DCAF6: variants seen among roughly 807,000 people sequenced by gnomAD.
DCAF6 encodes the protein DDB1 and CUL4 associated factor 6.
A neutral mutation model predicts 125.1 loss-of-function variants in DCAF6; 54 were observed. The ratio of observed to expected loss-of-function variants is 0.43; its 90% confidence interval spans 0.35 to 0.54. The LOEUF is 0.54. Ranked by LOEUF, DCAF6 falls within the 20% of genes least tolerant of loss-of-function variation. The pLI is 0.01. For synonymous variants in DCAF6, 371 were observed against 390.4 expected (o/e 0.95, Z 0.58); for missense variants, 934 against 1,161.7 (o/e 0.80, Z 2.85).
intron 19 of DCAF6, 132 bp downstream of exon 19, chr1:168,065,878 A>G (rs927700005): frequency 5.8e-5 from 44 of 758,740 alleles, no homozygotes; most frequent in Admixed American, 2.6e-4. Context: ...AGTAGAGTCA[A>G]TTACAGCTGA....
chr1:167,927,619 G>A, the DCAF6 span, among the ~76,000 whole-genome samples: 1 of 152,152 alleles, frequency 6.6e-6, no homozygotes, highest in African/African-American at 2.4e-5. Context: ...TCTGAGTAAA[G>A]CCTCTAGATT....
chr1:167,935,960 T>G (rs1011915106), upstream of DCAF6: 1 of 739,574 alleles, frequency 1.4e-6, no homozygotes. Flanking sequence ...GCCTCTCGCC[T>G]GGAGTACCCT....
chr1:168,038,031 T>A (rs1045925719), intron 12 of DCAF6, among the ~76,000 whole-genome samples: 1 of 152,194 alleles, frequency 6.6e-6, no homozygotes, highest in Non-Finnish European at 1.5e-5. Flanking sequence ...TGAGGAATTA[T>A]GAGCATTCCA....
chr1:167,958,991 T>C (rs1305437586), intron 2 of DCAF6, among the ~76,000 whole-genome samples: 1 of 152,210 alleles, frequency 6.6e-6, no homozygotes, highest in African/African-American at 2.4e-5. Context: ...TATAGTATCA[T>C]GTGGAGTTGT....
At chr1:167,935,863 A>G (rs771977419), upstream of DCAF6, 8 of 1,533,754 alleles carry the variant, frequency 5.2e-6, no homozygotes, top group Admixed American at 1.2e-4. Flanking sequence ...GATCGTTGGC[A>G]GCCGGGTGGG....
intron 12 of DCAF6, chr1:168,023,342 A>T: frequency 2.1e-6 from 1 of 466,040 alleles, no homozygotes; most frequent in Non-Finnish European, 3.9e-6. Flanking sequence ...AATTCTAGGT[A>T]TCTGTCATAA....
chr1:167,939,797 A>G (rs1168863773), intron 1 of DCAF6, among the ~76,000 whole-genome samples: 2 of 151,854 alleles, frequency 1.3e-5, no homozygotes, highest in East Asian at 3.8e-4. Flanking sequence ...AGTATGGTAC[A>G]CTTATAAAGC....
At chr1:167,905,599 T>TAAAAA in the DCAF6 span, among the ~76,000 whole-genome samples, 4 of 145,894 alleles carry the variant, frequency 2.7e-5, no homozygotes, top group African/African-American at 7.5e-5. Context: ...TTTCTCTCTT[T>TAAAAA]AAAAAAAAAA....
the DCAF6 span, among the ~76,000 whole-genome samples, chr1:167,923,126 T>C: frequency 1.3e-5 from 2 of 152,204 alleles, no homozygotes; most frequent in Non-Finnish European, 2.9e-5. Flanking sequence ...TGTAAAATAA[T>C]GTAGTTGCTG....
In DCAF6 at chr1:168,004,628, G is replaced by A; in HGVS notation, c.1213G>A (p.Ala405Thr). 6.2e-7 allele frequency: 1 copy of A among 1,613,488 alleles called. No homozygotes were observed. Among genetic ancestry groups the A allele is most frequent in the Non-Finnish European group, 8.5e-7 (1 of 1,179,700 alleles). ...AACTGCAATGGAAGTAGATACTCCA[G>A]CTGAACAATTTCTTCAGCCTTCTAC... ...SETAMEVDTP[A>T]EQFLQPSTSS... Residue 405 changes from alanine to threonine, a missense_variant, in exon 10 of 22, where the codon GCT becomes ACT. Physicochemically the swap from Ala to Thr is moderately conservative, Grantham distance 58 (BLOSUM62 0). Coordinates refer to ENST00000367840, the MANE Select transcript of DCAF6 (RefSeq NM_001198956.2).
chr1:167,960,860 T>A (rs997201382), intron 2 of DCAF6, among the ~76,000 whole-genome samples: 3 of 152,224 alleles, frequency 2.0e-5, no homozygotes, highest in Admixed American at 1.3e-4. Context: ...TTAGAATCAG[T>A]TTGTCAATAC....
chr1:167,952,158 T>C (rs1357890001), intron 2 of DCAF6, among the ~76,000 whole-genome samples: 1 of 152,128 alleles, frequency 6.6e-6, no homozygotes, highest in Non-Finnish European at 1.5e-5. Flanking sequence ...ACTAGACATA[T>C]CACTCAAACA....
chr1:167,932,230 A>C (rs1446652614), upstream of DCAF6, among the ~76,000 whole-genome samples: 3 of 152,166 alleles, frequency 2.0e-5, no homozygotes, highest in Non-Finnish European at 4.4e-5. Flanking sequence ...ATCAGTAAAA[A>C]ACAATTTGAG....
the DCAF6 span, among the ~76,000 whole-genome samples, chr1:167,929,124 G>A: frequency 2.0e-5 from 3 of 151,264 alleles, no homozygotes; most frequent in African/African-American, 4.9e-5. Flanking sequence ...TTTGGGAGGC[G>A]GAGGTGGGCG....
chr1:167,879,919 T>C, the DCAF6 span, among the ~76,000 whole-genome samples: 1 of 152,212 alleles, frequency 6.6e-6, no homozygotes, highest in Non-Finnish European at 1.5e-5. Flanking sequence ...TACATATTTC[T>C]CTACTCATAC....
chr1:168,030,123 G>GA (rs973533741), intron 12 of DCAF6, among the ~76,000 whole-genome samples: 3 of 152,186 alleles, frequency 2.0e-5, no homozygotes, highest in African/African-American at 7.2e-5. Flanking sequence ...AAAGATGGAT[G>GA]AAAAAATAAA....
the DCAF6 span, among the ~76,000 whole-genome samples, chr1:167,871,192 T>G: frequency 1.3e-5 from 2 of 152,162 alleles, no homozygotes; most frequent in African/African-American, 2.4e-5. Flanking sequence ...GATAAAATAT[T>G]TTTATTTCTG....
intron 16 of DCAF6, among the ~76,000 whole-genome samples, chr1:168,047,476 T>C (rs181463755): frequency 5.3e-5 from 8 of 152,220 alleles, no homozygotes; most frequent in Non-Finnish European, 1.2e-4. Context: ...AAATTAAATA[T>C]TATTTAATAT....
At chr1:168,036,101 G>A (rs1687773375) in intron 12 of DCAF6, among the ~76,000 whole-genome samples, 1 of 152,086 alleles carries the variant, frequency 6.6e-6, no homozygotes, top group Admixed American at 6.6e-5. Context: ...AAACTTTGTA[G>A]TAGATACTGT....
Sources: allele counts gnomAD v4.1 joint callset (sites outside exome capture counted in the v4.1 genomes callset), GRCh38; gene constraint gnomAD v4.1.1; transcripts MANE v1.5; gene names NCBI Gene and HGNC (gene_info 2026-07-23, HGNC 2026-07-21).